GRM7: variants seen among roughly 807,000 people sequenced by gnomAD.
GRM7 encodes metabotropic glutamate receptor 7.
In GRM7, 35 loss-of-function variants were observed where a neutral mutation model predicts 84.5. The ratio of observed to expected loss-of-function variants is 0.41; its 90% CI spans 0.32 to 0.55. The LOEUF is 0.55. Among genes scored for constraint, GRM7 ranks in the 20% least tolerant of loss-of-function variants. The pLI is 0.19. For synonymous variants in GRM7, 487 were observed against 455.1 expected, an observed-to-expected ratio of 1.07 and a Z score of -0.89; for missense variants, 1,003 against 1,194.6, an observed-to-expected ratio of 0.84 and a Z score of 2.36.
At chr3:7,465,913 C>T (rs1240308983) in intron 7 of GRM7, among the ~76,000 whole-genome samples, 1 of 152,054 alleles carries the variant, frequency 6.6e-6, no homozygotes, top group East Asian at 1.9e-4. Flanking sequence ...GGTAAAATGT[C>T]TCATGTACCC....
chr3:7,244,411 T>C (rs1287752459), intron 2 of GRM7, among the ~76,000 whole-genome samples: 1 of 152,034 alleles, frequency 6.6e-6, no homozygotes. Flanking sequence ...ATCACTAAAA[T>C]GTAATGTGTG....
intron 6 of GRM7, among the ~76,000 whole-genome samples, chr3:7,458,175 A>G (rs145839620): frequency 6.6e-6 from 1 of 152,200 alleles, no homozygotes; most frequent in African/African-American, 2.4e-5. Context: ...AAACTCAGAT[A>G]CTCTCATCCA....
At chr3:7,109,977 C>T (rs191545252) in intron 1 of GRM7, among the ~76,000 whole-genome samples, 2 of 152,084 alleles carry the variant, frequency 1.3e-5, no homozygotes, top group East Asian at 3.9e-4. Context: ...TAGATGAACA[C>T]AAATCAAAGC....
chr3:7,305,414 G>T (rs1575145272), intron 3 of GRM7, among the ~76,000 whole-genome samples: 2 of 40,636 alleles, frequency 4.9e-5, no homozygotes, highest in Non-Finnish European at 8.4e-5. Context: ...AGTTACATAT[G>T]TATACATGTG....
At chr3:7,505,455 G>C (rs1119406) in intron 7 of GRM7, among the ~76,000 whole-genome samples, 88,677 of 152,124 alleles carry the variant, frequency 0.58, 26,203 homozygotes, top group East Asian at 0.74. Flanking sequence ...CTCAGCTTTG[G>C]CTGACTGTGG....
At chr3:7,041,930 T>G (rs1457629157) in intron 1 of GRM7, among the ~76,000 whole-genome samples, 1 of 152,148 alleles carries the variant, frequency 6.6e-6, no homozygotes, top group African/African-American at 2.4e-5. Context: ...CAATCTTGCT[T>G]ACATAATGAA....
At chr3:7,700,572 T>C (rs1359140231) in intron 9 of GRM7, among the ~76,000 whole-genome samples, 1 of 152,194 alleles carries the variant, frequency 6.6e-6, no homozygotes, top group East Asian at 1.9e-4. Context: ...AAATAGTAAA[T>C]AGATTTAGTC....
At chr3:7,494,789 G>A (rs989201876) in intron 7 of GRM7, among the ~76,000 whole-genome samples, 1 of 151,944 alleles carries the variant, frequency 6.6e-6, no homozygotes, top group African/African-American at 2.4e-5. Flanking sequence ...GTTTTCACTG[G>A]GTTCTTTTTC....
Position 7,578,913 on chromosome 3 carries a change from T to C in GRM7, c.2007T>C (p.Ser669=). The change falls in exon 8 of 10, where the codon AGT becomes AGC. Residue 669 remains serine (S), a synonymous_variant. Transcript: ENST00000357716. The part of the protein sequence containing the change: ...RVFLGLGMCI[S]YAALLTKTNR... ...TCTTGGGCTTGGGTATGTGCATCAG[T>C]TATGCAGCCCTCTTGACGAAAACAA... 6.2e-7 allele frequency: 1 copy of C among 1,614,186 alleles called. No homozygotes were observed. The highest frequency in any genetic ancestry group is 8.5e-7 in the Non-Finnish European group (1 of 1,180,028).
chr3:7,044,619 C>A (rs1249068984), intron 1 of GRM7, among the ~76,000 whole-genome samples: 1 of 152,154 alleles, frequency 6.6e-6, no homozygotes, highest in African/African-American at 2.4e-5. Context: ...ATCATATTTT[C>A]AATTTAAAAG....
chr3:7,126,167 C>T (rs1278603131), intron 1 of GRM7, among the ~76,000 whole-genome samples: 2 of 152,158 alleles, frequency 1.3e-5, no homozygotes, highest in Admixed American at 1.3e-4. Context: ...GAAGGTTATT[C>T]AGGTGGTTCA....
chr3:7,410,159 T>C (rs1695864120), intron 4 of GRM7, among the ~76,000 whole-genome samples: 1 of 152,148 alleles, frequency 6.6e-6, no homozygotes, highest in Non-Finnish European at 1.5e-5. Flanking sequence ...CTAAAAGGAA[T>C]ATCTATTTTG....
intron 4 of GRM7, among the ~76,000 whole-genome samples, chr3:7,373,946 T>G (rs964946721): frequency 1.3e-5 from 2 of 152,200 alleles, no homozygotes; most frequent in Admixed American, 1.3e-4. Context: ...TAACCGTCTG[T>G]GACTAGTGGC....
intron 1 of GRM7, among the ~76,000 whole-genome samples, chr3:7,092,282 T>C (rs1319861256): frequency 1.3e-5 from 2 of 152,228 alleles, no homozygotes; most frequent in African/African-American, 4.8e-5. Flanking sequence ...ATGACAGAAC[T>C]TCTAAATAGA....
chr3:7,463,871 T>C (rs747825793), intron 7 of GRM7, among the ~76,000 whole-genome samples: 4 of 152,200 alleles, frequency 2.6e-5, no homozygotes, highest in Non-Finnish European at 4.4e-5. Context: ...CACTAAGAAG[T>C]ACTAAGCAAG....
chr3:7,269,935 A>T (rs1310402482), intron 2 of GRM7, among the ~76,000 whole-genome samples: 1 of 151,900 alleles, frequency 6.6e-6, no homozygotes, highest in Non-Finnish European at 1.5e-5. Context: ...CTGTCCCCTA[A>T]TCTTTTGTGT....
At chr3:7,455,967 A>AAT (rs957941263) in intron 6 of GRM7, among the ~76,000 whole-genome samples, 1 of 152,144 alleles carries the variant, frequency 6.6e-6, no homozygotes, top group African/African-American at 2.4e-5. Context: ...CACCACATTC[A>AAT]ATATGGGGAT....
intron 4 of GRM7, among the ~76,000 whole-genome samples, chr3:7,378,113 C>T (rs957324366): frequency 3.9e-5 from 6 of 152,180 alleles, no homozygotes; most frequent in Admixed American, 1.3e-4. Context: ...AGCTAAGCCA[C>T]TCCACACAGC....
intron 2 of GRM7, among the ~76,000 whole-genome samples, chr3:7,285,100 C>T (rs1362807308): frequency 6.6e-6 from 1 of 152,026 alleles, no homozygotes; most frequent in Non-Finnish European, 1.5e-5. Context: ...TTGTCAAGGG[C>T]AGTTGGCAGA....
Sources: gnomAD v4.1 joint callset for allele counts (sites outside exome capture counted in the v4.1 genomes callset) on GRCh38, gnomAD v4.1.1 for gene constraint, MANE v1.5 for transcripts, NCBI Gene and HGNC (gene_info 2026-07-23, HGNC 2026-07-21) for gene names.